ZNF678: variants seen among roughly 807,000 people sequenced by gnomAD.
ZNF678 encodes the protein hypothetical protein MGC42493.
Under a neutral mutation model 3.0 loss-of-function variants are expected in ZNF678, and 5 were observed. The ratio of observed to expected loss-of-function variants is 1.69; its 90% confidence interval spans 0.88 to 3.56. The LOEUF (loss-of-function observed/expected upper bound fraction) is 3.56. Ranked by LOEUF, ZNF678 falls within the 30% of genes most tolerant of loss-of-function variation. The probability of loss-of-function intolerance (pLI) is 0.00; values close to 1 mark genes in which losing one functional copy is unlikely to be tolerated. For missense variants in ZNF678, 593 were observed against 605.0 expected (o/e 0.98, Z 0.21); for synonymous variants, 218 against 199.6 (o/e 1.09, Z -0.78).
At position 227,660,887 on chromosome 1, in the gene ZNF678, A is replaced by G. The variant is rs1461745033; in HGVS notation, c.*5059A>G. 1 of 152,138 alleles carries G rather than the reference A, an allele frequency of 6.6e-6. No homozygotes were observed. The highest frequency in any genetic ancestry group is 1.5e-5 in the Non-Finnish European group (1 of 68,018). 9.4% of individuals were successfully genotyped at this position (152,138 alleles called of 1,614,324 possible). A position where few individuals can be genotyped will look rare whatever the true frequency, so the allele number is the denominator to read the frequency against. On this transcript the variant is annotated 3_prime_UTR_variant, in exon 4 of 4. Coordinates refer to ENST00000343776, the MANE Select transcript of ZNF678 (RefSeq NM_001367909.1). The stretch of plus-strand genomic sequence containing the variant: ...TTGAGGTATGTATGTTCTATATGTA[A>G]TTTGTTTTGAGATTTTGTCATAAAG...
At chr1:227,618,091 T>C (rs894837375) in intron 1 of ZNF678, among the ~76,000 whole-genome samples, 2 of 152,196 alleles carry the variant, frequency 1.3e-5, no homozygotes, top group Non-Finnish European at 2.9e-5. Flanking sequence ...TATAACTCCA[T>C]TCCACAGGAT....
At chr1:227,587,124 G>C (rs936043610) in intron 1 of ZNF678, among the ~76,000 whole-genome samples, 127 of 152,290 alleles carry the variant, frequency 8.3e-4, no homozygotes, top group African/African-American at 2.8e-3. Flanking sequence ...TAGCACTGTG[G>C]AAAGAGAAGT....
chr1:227,580,818 T>A (rs1429575332), intron 1 of ZNF678, among the ~76,000 whole-genome samples: 1 of 151,882 alleles, frequency 6.6e-6, no homozygotes, highest in Non-Finnish European at 1.5e-5. Flanking sequence ...TAATCCCAGC[T>A]ACTTGGGAGG....
chr1:227,635,939 A>G (rs923425333), intron 1 of ZNF678, among the ~76,000 whole-genome samples: 6 of 152,190 alleles, frequency 3.9e-5, no homozygotes, highest in African/African-American at 1.4e-4. Context: ...GACTTTCTCA[A>G]TAACTACTTC....
At position 227,655,415 on chromosome 1, in the gene ZNF678, T is replaced by C; in HGVS notation, c.1165T>C (p.Phe389Leu). 6.2e-7 allele frequency: 1 copy of C among 1,612,500 alleles called. No homozygotes were observed. The highest frequency in any genetic ancestry group is 1.7e-5 in the Admixed American group (1 of 59,804). ...AGAATGTGGCAAAGCGTTTAACAAG[T>C]TCTCAAGCCTTACTCAACATAGGAG... ...CKECGKAFNKFSSLTQHRRIH... is the reference protein window; with the variant it reads ...CKECGKAFNKLSSLTQHRRIH... The change falls in exon 4 of 4, where the codon TTC becomes CTC. Residue 389 changes from phenylalanine (F) to leucine (L), a missense_variant. By Grantham distance (22) the Phe-to-Leu change is conservative (BLOSUM62 0). Transcript: ENST00000343776.
intron 2 of ZNF678, 57 bp from the exon 3 acceptor site, chr1:227,650,895 CTTCT>C: frequency 1.5e-6 from 2 of 1,338,260 alleles, no homozygotes; most frequent in East Asian, 2.3e-5. Context: ...AGTATTTTTA[CTTCT>C]TTCTTTTCAA....
downstream of ZNF678, among the ~76,000 whole-genome samples, chr1:227,679,367 C>A (rs1232869974): frequency 6.6e-6 from 1 of 152,060 alleles, no homozygotes; most frequent in Non-Finnish European, 1.5e-5. Flanking sequence ...AGCGCTGTGC[C>A]CTGGGCCTGG....
downstream of ZNF678, among the ~76,000 whole-genome samples, chr1:227,677,713 A>G (rs1659708114): frequency 6.6e-6 from 1 of 152,240 alleles, no homozygotes; most frequent in Admixed American, 6.5e-5. Context: ...GCAGATAAAT[A>G]TCTTTTCCCT....
At chr1:227,600,440 G>A (rs907143739) in intron 1 of ZNF678, among the ~76,000 whole-genome samples, 6 of 151,654 alleles carry the variant, frequency 4.0e-5, no homozygotes, top group Admixed American at 1.3e-4. Flanking sequence ...GTGTATAAGC[G>A]TTTTGTTTTG....
intron 1 of ZNF678, among the ~76,000 whole-genome samples, chr1:227,636,492 T>G (rs1473867567): frequency 6.6e-6 from 1 of 152,214 alleles, no homozygotes; most frequent in Non-Finnish European, 1.5e-5. Flanking sequence ...TAGAACAGCC[T>G]GTAGTCTAGT....
intron 5 of ZNF678, among the ~76,000 whole-genome samples, chr1:227,670,235 T>C (rs1229490632): frequency 6.6e-6 from 1 of 152,196 alleles, no homozygotes; most frequent in Non-Finnish European, 1.5e-5. Flanking sequence ...ATACCCAAAA[T>C]ACCCATGTAA....
In ZNF678 at chr1:227,574,053, T is replaced by C. The variant is rs1656925771; in HGVS notation, c.-164+10329T>C. The stretch of plus-strand genomic sequence containing the variant: ...ATTTCATGGTGTATATGTACCACAC[T>C]TTCTTTATTCAGGCTATTATTGATG... On this transcript the variant is annotated intron_variant, in intron 1 of 3. Coordinates refer to ENST00000343776, the MANE Select transcript of ZNF678 (RefSeq NM_001367909.1). Among the ~76,000 whole-genome samples, 3 of 152,228 alleles carry C rather than the reference T, an allele frequency of 2.0e-5. No individual in the cohort carries two copies. In the South Asian group the frequency reaches 6.2e-4, roughly 31 times the overall value.
intron 1 of ZNF678, among the ~76,000 whole-genome samples, chr1:227,584,626 A>G (rs1657211384): frequency 6.6e-6 from 1 of 152,252 alleles, no homozygotes; most frequent in South Asian, 2.1e-4. Flanking sequence ...ATGGGTATAG[A>G]CACCACTGCA....
intron 1 of ZNF678, among the ~76,000 whole-genome samples, chr1:227,619,422 T>C (rs1201248516): frequency 1.3e-5 from 2 of 152,182 alleles, no homozygotes; most frequent in Admixed American, 6.5e-5. Flanking sequence ...ATCTGCACTG[T>C]GGGAAATGTT....
intron 1 of ZNF678, 112 bp downstream of exon 1, chr1:227,563,836 G>C: frequency 9.4e-7 from 1 of 1,060,214 alleles, no homozygotes; most frequent in Non-Finnish European, 1.3e-6. Flanking sequence ...TCACCTCTGG[G>C]TAGGGGCGGG....
intron 1 of ZNF678, among the ~76,000 whole-genome samples, chr1:227,574,304 C>G (rs1656933427): frequency 6.6e-6 from 1 of 152,116 alleles, no homozygotes; most frequent in South Asian, 2.1e-4. Context: ...GTATAAGGAT[C>G]TTTTTCTCTG....
intron 1 of ZNF678, among the ~76,000 whole-genome samples, chr1:227,619,566 C>T (rs1658223531): frequency 6.6e-6 from 1 of 151,702 alleles, no homozygotes; most frequent in Non-Finnish European, 1.5e-5. Context: ...GGCTGGAGTG[C>T]AGTGGCATGA....
intron 1 of ZNF678, among the ~76,000 whole-genome samples, chr1:227,594,860 A>G (rs920708435): frequency 6.6e-6 from 1 of 151,782 alleles, no homozygotes. Context: ...TTTTTTCCTT[A>G]GGTTACTTCT....
chr1:227,668,548 A>G (rs1434715310), intron 5 of ZNF678, among the ~76,000 whole-genome samples: 1 of 152,192 alleles, frequency 6.6e-6, no homozygotes, highest in Non-Finnish European at 1.5e-5. Flanking sequence ...GTGTTCAAAT[A>G]CATTCATGGT....
Sources: allele counts gnomAD v4.1 joint callset (sites outside exome capture counted in the v4.1 genomes callset), GRCh38; gene constraint gnomAD v4.1.1; transcripts MANE v1.5; gene names NCBI Gene and HGNC (gene_info 2026-07-23, HGNC 2026-07-21).